Variants in GLRA2 observed in about 807,000 individuals in gnomAD.
The protein encoded by GLRA2 is glycine receptor subunit alpha-2.
Under a neutral mutation model 31.6 loss-of-function variants are expected in GLRA2, and 11 were observed. That is an observed-to-expected ratio of 0.35 (90% CI 0.22 to 0.58). The LOEUF is 0.58. Ranked by LOEUF, GLRA2 falls within the 20% of genes least tolerant of loss-of-function variation. The pLI, the probability that GLRA2 is intolerant of heterozygous loss-of-function variation, is 0.84. For synonymous variants in GLRA2, 132 were observed against 134.0 expected, an observed-to-expected ratio of 0.99 and a Z score of 0.10; for missense variants, 212 against 351.8, an observed-to-expected ratio of 0.60 and a Z score of 3.18.
intron 4 of GLRA2, among the ~76,000 whole-genome samples, chrX:14,587,983 C>T (rs958316676): frequency 1.8e-5 from 2 of 109,054 alleles, no homozygotes; most frequent in Non-Finnish European, 3.8e-5. Flanking sequence ...TCTTGGCTCA[C>T]TGACAACTCC....
chrX:14,647,279 G>T (rs2147134289), intron 7 of GLRA2, among the ~76,000 whole-genome samples: 1 of 112,305 alleles, frequency 8.9e-6, no homozygotes, highest in African/African-American at 3.2e-5. Flanking sequence ...TTAAGCTAAA[G>T]ACTGATTTCA....
In GLRA2 at chrX:14,560,639, C is replaced by T. The variant is rs187498170; in HGVS notation, c.203-13694C>T. ...AGCCTGGGCAACACGGTGAGACCCC[C>T]GTCTCTACAAACAATACAAATTTAA... On this transcript the variant is annotated intron_variant, in intron 2 of 8. Coordinates refer to ENST00000218075, the MANE Select transcript of GLRA2 (RefSeq NM_002063.4). Among the ~76,000 whole-genome samples the T allele has an allele frequency of 2.8e-5, 3 of 108,967 alleles. No homozygotes were observed. The East Asian group carries it at 8.6e-4, about 31-fold the overall frequency. The allele number at this position is 108,967 out of a possible 115,157, so 94.6% of individuals were successfully genotyped here. A position where few individuals can be genotyped will look rare whatever the true frequency, so the allele number is the denominator to read the frequency against.
the GLRA2 span, among the ~76,000 whole-genome samples, chrX:14,493,731 A>ACACG: frequency 2.0e-5 from 2 of 99,699 alleles, no homozygotes; most frequent in African/African-American, 7.8e-5. Context: ...ATACGTGTAT[A>ACACG]TGTATACATA....
At chrX:14,499,111 C>A in the GLRA2 span, among the ~76,000 whole-genome samples, 1 of 111,825 alleles carries the variant, frequency 8.9e-6, no homozygotes, top group Non-Finnish European at 1.9e-5. Flanking sequence ...GATTTCCTTT[C>A]TTTTTGGGTA....
At chrX:14,577,749 G>A (rs1465668420) in intron 3 of GLRA2, among the ~76,000 whole-genome samples, 1 of 111,511 alleles carries the variant, frequency 9.0e-6, no homozygotes, top group Non-Finnish European at 1.9e-5. Flanking sequence ...CACATTGGAG[G>A]TTAGAATTTC....
chrX:14,508,436 T>C, the GLRA2 span, among the ~76,000 whole-genome samples: 1 of 112,246 alleles, frequency 8.9e-6, no homozygotes, highest in East Asian at 2.8e-4. Context: ...ACTTTATCCA[T>C]TAGCTTGAGG....
intron 7 of GLRA2, among the ~76,000 whole-genome samples, chrX:14,673,411 G>A (rs1332334118): frequency 1.8e-5 from 2 of 111,988 alleles, no homozygotes; most frequent in East Asian, 5.6e-4. Flanking sequence ...GTTATGAGAT[G>A]ATGACGCATC....
chrX:14,564,324 G>GAA (rs768523339), intron 2 of GLRA2, among the ~76,000 whole-genome samples: 1 of 102,046 alleles, frequency 9.8e-6, no homozygotes, highest in African/African-American at 3.5e-5. Context: ...AGTGCTGAGA[G>GAA]AAAAAAAAAA....
chrX:14,654,641 T>C (rs764001091), intron 7 of GLRA2, among the ~76,000 whole-genome samples: 1 of 112,168 alleles, frequency 8.9e-6, no homozygotes, highest in East Asian at 2.8e-4. Context: ...AGTGAACTTA[T>C]ATTTAAACTC....
intron 7 of GLRA2, among the ~76,000 whole-genome samples, chrX:14,626,039 T>G (rs2090585326): frequency 8.9e-6 from 1 of 112,241 alleles, no homozygotes; most frequent in Non-Finnish European, 1.9e-5. Flanking sequence ...CCACTTTTCA[T>G]AGTGAACAAT....
At position 14,691,803 on chromosome X, in the gene GLRA2, T is replaced by C. The variant is rs1329869693; in HGVS notation, c.1080+944T>C. Among the ~76,000 whole-genome samples, 3 of 111,987 alleles carry C rather than the reference T, an allele frequency of 2.7e-5. No homozygotes were observed. In the Admixed American group the frequency reaches 2.8e-4, roughly 11 times the overall value. On this transcript the variant is annotated intron_variant, in intron 8 of 8. Coordinates refer to ENST00000218075, the MANE Select transcript of GLRA2 (RefSeq NM_002063.4). ...TCTGGGAGAGAAACATACCCTTTGA[T>C]ATGAAGAATGTTACCTCCTGTAACA...
intron 2 of GLRA2, among the ~76,000 whole-genome samples, chrX:14,562,649 C>G (rs949496899): frequency 2.7e-5 from 3 of 112,137 alleles, no homozygotes; most frequent in Non-Finnish European, 5.6e-5. Context: ...TCTTTTGAGA[C>G]TTCTCTCCCT....
chrX:14,507,434 C>A, the GLRA2 span, among the ~76,000 whole-genome samples: 1 of 111,140 alleles, frequency 9.0e-6, no homozygotes, highest in Non-Finnish European at 1.9e-5. Context: ...GCCCCATAAA[C>A]AGCAATTGTT....
chrX:14,543,723 G>C (rs957295242), intron 2 of GLRA2, among the ~76,000 whole-genome samples: 5 of 111,457 alleles, frequency 4.5e-5, no homozygotes, highest in African/African-American at 1.6e-4. Context: ...AATAAGTATA[G>C]GAAATTCTGC....
At chrX:14,516,232 G>T in the GLRA2 span, among the ~76,000 whole-genome samples, 1 of 111,030 alleles carries the variant, frequency 9.0e-6, no homozygotes, top group Admixed American at 9.6e-5. Flanking sequence ...ACACCAATGT[G>T]CATTAAAACT....
chrX:14,579,518 C>T (rs754210697), intron 3 of GLRA2, among the ~76,000 whole-genome samples: 77 of 110,998 alleles, frequency 6.9e-4, no homozygotes, highest in African/African-American at 2.3e-3. Context: ...TTAGTAGAGA[C>T]GGTGTTTCAC....
chrX:14,704,150 A>T (rs2147217147), intron 8 of GLRA2, among the ~76,000 whole-genome samples: 1 of 112,074 alleles, frequency 8.9e-6, no homozygotes, highest in East Asian at 2.8e-4. Context: ...AGTGTCAAAC[A>T]ATGGTTTATT....
intron 8 of GLRA2, among the ~76,000 whole-genome samples, chrX:14,700,577 C>G (rs1203686635): frequency 9.0e-6 from 1 of 111,687 alleles, no homozygotes; most frequent in Non-Finnish European, 1.9e-5. Context: ...AGCTAAGAAG[C>G]AGCCATGGAT....
intron 8 of GLRA2, among the ~76,000 whole-genome samples, chrX:14,709,208 C>T (rs1028873444): frequency 4.5e-5 from 5 of 110,756 alleles, no homozygotes; most frequent in Non-Finnish European, 7.6e-5. Flanking sequence ...CACTGCAGCC[C>T]GGACAACAGA....
Sources: allele counts gnomAD v4.1 joint callset (sites outside exome capture counted in the v4.1 genomes callset), GRCh38; gene constraint gnomAD v4.1.1; transcripts MANE v1.5; gene names NCBI Gene and HGNC (gene_info 2026-07-23, HGNC 2026-07-21).